The following BIRC6 variants were observed in gnomAD, a reference collection of about 807,000 sequenced individuals.
BIRC6 encodes baculoviral IAP repeat containing 6, also known as dual E2 ubiquitin-conjugating enzyme/E3 ubiquitin-protein ligase BIRC6.
In BIRC6, 98 loss-of-function variants were observed where a neutral mutation model predicts 503.3. That is an observed-to-expected ratio of 0.19 (90% CI 0.17 to 0.23). The LOEUF is 0.23. BIRC6 is among the 10% of genes least tolerant of loss of function. The pLI, the probability that BIRC6 is intolerant of heterozygous loss-of-function variation, is 1.00. For synonymous variants in BIRC6, 2,240 were observed against 2,078.7 expected (o/e 1.08, Z -2.11); for missense variants, 5,360 against 5,806.0 (o/e 0.92, Z 2.50).
At chr2:32,574,321 T>C (rs1013144530) in intron 65 of BIRC6, among the ~76,000 whole-genome samples, 4 of 152,008 alleles carry the variant, frequency 2.6e-5, no homozygotes, top group Admixed American at 1.3e-4. Context: ...TTTTACCATG[T>C]TGCCCAGGCC....
intron 57 of BIRC6, among the ~76,000 whole-genome samples, chr2:32,520,692 C>T (rs1232929779): frequency 6.6e-6 from 1 of 152,134 alleles, no homozygotes; most frequent in Non-Finnish European, 1.5e-5. Flanking sequence ...TAGCGTGCAC[C>T]TGTAGTCCCA....
At chr2:32,524,838 T>A in intron 57 of BIRC6, 50 bp from the exon 58 acceptor site, 1 of 1,195,070 alleles carries the variant, frequency 8.4e-7, no homozygotes, top group Non-Finnish European at 1.1e-6. Context: ...ATTACTTCTC[T>A]TCTTAATGAT....
chr2:32,578,195 CAG>C (rs2151090169), intron 66 of BIRC6, among the ~76,000 whole-genome samples: 1 of 152,228 alleles, frequency 6.6e-6, no homozygotes, highest in South Asian at 2.1e-4. Flanking sequence ...TTCAGCTTCA[CAG>C]AGAGAGTAAA....
At chr2:32,493,968 G>A (rs1317673745) in intron 45 of BIRC6, among the ~76,000 whole-genome samples, 1 of 152,094 alleles carries the variant, frequency 6.6e-6, no homozygotes, top group African/African-American at 2.4e-5. Context: ...TTATTTTGAA[G>A]CTGTTTAAAC....
intron 70 of BIRC6, chr2:32,602,403 A>G (rs968335062): frequency 2.0e-5 from 3 of 152,230 alleles, no homozygotes; most frequent in African/African-American, 7.2e-5. Flanking sequence ...CAACGTAGAG[A>G]GTAGAATAGT....
intron 12 of BIRC6, among the ~76,000 whole-genome samples, chr2:32,432,382 A>C (rs909731439): frequency 2.0e-5 from 3 of 152,068 alleles, no homozygotes; most frequent in African/African-American, 7.2e-5. Flanking sequence ...GCCCCACTGC[A>C]CTCCAGCCTG....
At chr2:32,446,752 T>TG (rs2045998210) in intron 21 of BIRC6, among the ~76,000 whole-genome samples, 3 of 131,860 alleles carry the variant, frequency 2.3e-5, no homozygotes, top group East Asian at 2.2e-4. Context: ...TTTTTTTTTT[T>TG]TTTTTTTTTT....
Position 32,460,774 on chromosome 2 carries a change from G to A in BIRC6, c.4754-2420G>A, listed in dbSNP as rs117605070. Among the ~76,000 whole-genome samples, 60 of 151,708 alleles carry A rather than the reference G, an allele frequency of 4.0e-4. No individual in the cohort carries two copies. In the East Asian group the frequency reaches 8.3e-3, roughly 21 times the overall value. ...TTAGTTTTCCCTGTGTTATTTGGGC[G>A]TTAGATTTTAAAATCAATTAAATGT... On this transcript the variant is annotated intron_variant, in intron 23 of 73. Coordinates refer to ENST00000421745, the MANE Select transcript of BIRC6 (RefSeq NM_016252.4).
intron 45 of BIRC6, among the ~76,000 whole-genome samples, chr2:32,497,936 A>G (rs2052676026): frequency 6.6e-6 from 1 of 152,100 alleles, no homozygotes. Flanking sequence ...ATTAAAATTG[A>G]TCATTTTGCT....
At chr2:32,563,769 T>A (rs2754514) in intron 65 of BIRC6, 73,148 of 151,970 alleles carry the variant, frequency 0.48, 18,082 homozygotes, top group African/African-American at 0.6. Context: ...ATTTTTTTTT[T>A]TCACCTCATA....
intron 48 of BIRC6, 31 bp from the exon 49 acceptor site, chr2:32,503,011 C>T (rs200851434): frequency 7.8e-5 from 119 of 1,535,340 alleles, no homozygotes; most frequent in Non-Finnish European, 1.0e-4. Context: ...GTCCTGAGAT[C>T]GATTTCATTT....
intron 40 of BIRC6, 79 bp from the exon 41 acceptor site, chr2:32,487,568 C>T: frequency 2.4e-6 from 3 of 1,246,800 alleles, no homozygotes; most frequent in Non-Finnish European, 3.4e-6. Context: ...ACAATTTAAC[C>T]TATTTATACA....
intron 65 of BIRC6, among the ~76,000 whole-genome samples, chr2:32,571,344 G>A (rs184058277): frequency 5.2e-4 from 69 of 132,348 alleles, no homozygotes; most frequent in Admixed American, 5.2e-3. Context: ...TTTATATTTG[G>A]TAGAATTTGG....
chr2:32,560,469 A>G (rs1249957188), intron 65 of BIRC6, among the ~76,000 whole-genome samples: 1 of 152,230 alleles, frequency 6.6e-6, no homozygotes, highest in Admixed American at 6.5e-5. Flanking sequence ...TCAATAGAGT[A>G]AAATATATAC....
chr2:32,478,887 AAGGGATCTTTAACCCCTAG>A (rs1457815532), intron 36 of BIRC6, 69 bp downstream of exon 36: 13 of 1,494,474 alleles, frequency 8.7e-6, no homozygotes, highest in South Asian at 3.5e-5. Context: ...AGAATCTTCA[AAGGGATCTTTAACCCCTAG>A]AGGGATCTTT....
chr2:32,372,440 T>C (rs928739855), intron 1 of BIRC6, among the ~76,000 whole-genome samples: 1 of 152,220 alleles, frequency 6.6e-6, no homozygotes, highest in African/African-American at 2.4e-5. Flanking sequence ...CATGATGCCC[T>C]TGAGATTCTG....
chr2:32,562,942 A>C (rs2059296800), intron 65 of BIRC6, among the ~76,000 whole-genome samples: 1 of 152,090 alleles, frequency 6.6e-6, no homozygotes, highest in Admixed American at 6.5e-5. Flanking sequence ...TCACTGATCT[A>C]TTTGTTTATT....
At chr2:32,521,880 A>G (rs1400450604) in intron 57 of BIRC6, 1 of 151,918 alleles carries the variant, frequency 6.6e-6, no homozygotes, top group Non-Finnish European at 1.5e-5. Context: ...TGTGCCTTAC[A>G]ATTTTTTCTT....
At chr2:32,478,596 T>C in intron 35 of BIRC6, 39 bp from the exon 36 acceptor site, 7 of 1,549,066 alleles carry the variant, frequency 4.5e-6, no homozygotes, top group Non-Finnish European at 6.1e-6. Context: ...AAACATGTAA[T>C]TGCTATTTAA....
Sources: allele counts gnomAD v4.1 joint callset (sites outside exome capture counted in the v4.1 genomes callset), GRCh38; gene constraint gnomAD v4.1.1; transcripts MANE v1.5; gene names NCBI Gene and HGNC (gene_info 2026-07-23, HGNC 2026-07-21).